The following ERBB4 variants were observed in gnomAD, a reference collection of about 807,000 sequenced individuals.
ERBB4 encodes the protein erb-b2 receptor tyrosine kinase 4, also known as receptor tyrosine-protein kinase erbB-4.
In ERBB4, 42 loss-of-function variants were observed where a neutral mutation model predicts 158.0. The observed-to-expected ratio is 0.27, with a 90% CI of 0.21 to 0.34. The LOEUF (loss-of-function observed/expected upper bound fraction) is 0.34. ERBB4 is among the 10% of genes least tolerant of loss of function. ERBB4 has a pLI of 1.00. For synonymous variants in ERBB4, 583 were observed against 558.7 expected (o/e 1.04, Z -0.61); for missense variants, 1,333 against 1,624.1 (o/e 0.82, Z 3.08).
chr2:211,624,082 G>T (rs757541107), intron 17 of ERBB4, 38 bp from the exon 18 acceptor site: 20 of 1,612,974 alleles, frequency 1.2e-5, no homozygotes, highest in Middle Eastern at 1.6e-4. Context: ...CTTTCAGTCC[G>T]ATAGTCAGTC....
intron 3 of ERBB4, among the ~76,000 whole-genome samples, chr2:211,919,067 T>C (rs1559100223): frequency 6.6e-6 from 1 of 152,062 alleles, no homozygotes; most frequent in East Asian, 1.9e-4. Flanking sequence ...TCTATCTTAT[T>C]TCCCAGTTCC....
intron 20 of ERBB4, among the ~76,000 whole-genome samples, chr2:211,532,657 C>CA (rs2066532382): frequency 6.6e-6 from 1 of 151,860 alleles, no homozygotes; most frequent in Non-Finnish European, 1.5e-5. Context: ...GAAAGTGAGA[C>CA]AATTTTGTGT....
chr2:212,151,507 G>C (rs2080868670), intron 1 of ERBB4, among the ~76,000 whole-genome samples: 1 of 150,796 alleles, frequency 6.6e-6, no homozygotes, highest in Non-Finnish European at 1.5e-5. Context: ...GATTTGAGTG[G>C]GAATTTTAAA....
intron 1 of ERBB4, among the ~76,000 whole-genome samples, chr2:212,146,559 T>A (rs957222908): frequency 1.3e-5 from 2 of 152,138 alleles, no homozygotes; most frequent in Non-Finnish European, 2.9e-5. Flanking sequence ...CTAACTTGCA[T>A]AAAACATTGT....
chr2:212,218,216 T>C (rs1299068714), intron 1 of ERBB4, among the ~76,000 whole-genome samples: 7 of 151,350 alleles, frequency 4.6e-5, no homozygotes, highest in Non-Finnish European at 8.9e-5. Flanking sequence ...TTTCAATTGG[T>C]AAGAATTTCA....
chr2:211,682,061 C>CAA (rs2072364318), intron 12 of ERBB4, among the ~76,000 whole-genome samples: 2 of 145,824 alleles, frequency 1.4e-5, no homozygotes, highest in Non-Finnish European at 3.0e-5. Flanking sequence ...CACACACACA[C>CAA]ACACACACAC....
intron 5 of ERBB4, among the ~76,000 whole-genome samples, chr2:211,725,803 T>C (rs2074247455): frequency 1.4e-5 from 2 of 148,066 alleles, no homozygotes; most frequent in African/African-American, 5.0e-5. Context: ...TTAATTCACA[T>C]AATATTTTAC....
At chr2:212,484,099 T>G (rs1689854931) in intron 1 of ERBB4, among the ~76,000 whole-genome samples, 1 of 152,184 alleles carries the variant, frequency 6.6e-6, no homozygotes, top group Admixed American at 6.5e-5. Flanking sequence ...TCTTTTACAT[T>G]TTTCTATACA....
At chr2:212,315,213 G>C (rs1402997162) in intron 1 of ERBB4, among the ~76,000 whole-genome samples, 1 of 151,082 alleles carries the variant, frequency 6.6e-6, no homozygotes, top group Non-Finnish European at 1.5e-5. Context: ...ATATTATTTT[G>C]CTCCTCTGAT....
chr2:211,912,876 A>C (rs10204019), intron 3 of ERBB4, among the ~76,000 whole-genome samples: 3 of 151,928 alleles, frequency 2.0e-5, no homozygotes, highest in African/African-American at 7.3e-5. Context: ...TCTCTGAGAG[A>C]TGCTACCTGT....
At chr2:212,280,614 T>G (rs1309244528) in intron 1 of ERBB4, among the ~76,000 whole-genome samples, 1 of 151,684 alleles carries the variant, frequency 6.6e-6, no homozygotes, top group Non-Finnish European at 1.5e-5. Context: ...TCTGTTGCTG[T>G]TGTTGTTGTT....
intron 2 of ERBB4, among the ~76,000 whole-genome samples, chr2:212,001,268 C>T (rs1232163331): frequency 1.3e-5 from 2 of 151,940 alleles, no homozygotes; most frequent in Admixed American, 6.6e-5. Context: ...CATTTCATAC[C>T]AATAGGCAAT....
chr2:212,060,229 T>A (rs1355945618), intron 2 of ERBB4, among the ~76,000 whole-genome samples: 2 of 152,082 alleles, frequency 1.3e-5, no homozygotes, highest in Non-Finnish European at 2.9e-5. Flanking sequence ...TGACTGGCCA[T>A]CAGAGAAATG....
intron 2 of ERBB4, among the ~76,000 whole-genome samples, chr2:212,033,595 G>T (rs1025987675): frequency 4.6e-5 from 7 of 151,730 alleles, no homozygotes; most frequent in Admixed American, 6.6e-5. Context: ...AATAAATTGA[G>T]TTATTTTAAC....
At chr2:211,842,247 G>A (rs1367939291) in intron 3 of ERBB4, among the ~76,000 whole-genome samples, 1 of 143,538 alleles carries the variant, frequency 7.0e-6, no homozygotes, top group East Asian at 2.1e-4. Flanking sequence ...AAGGAATAAG[G>A]CTGTTGGGTT....
chr2:212,102,689 G>C (rs1278213640), intron 2 of ERBB4, among the ~76,000 whole-genome samples: 1 of 152,036 alleles, frequency 6.6e-6, no homozygotes, highest in East Asian at 1.9e-4. Context: ...ATCTCACTTT[G>C]AAAGTTCCAC....
intron 20 of ERBB4, among the ~76,000 whole-genome samples, chr2:211,493,863 A>C (rs1041119631): frequency 5.3e-5 from 8 of 152,122 alleles, no homozygotes; most frequent in Non-Finnish European, 1.2e-4. Context: ...CATCAGTGTC[A>C]TCTCAGAATC....
At chr2:212,072,757 T>C (rs1233730169) in intron 2 of ERBB4, among the ~76,000 whole-genome samples, 1 of 152,016 alleles carries the variant, frequency 6.6e-6, no homozygotes, top group Non-Finnish European at 1.5e-5. Context: ...GGCTACTATA[T>C]GCTCAGCCTT....
At chr2:211,773,611 TA>T (rs2075775331) in intron 4 of ERBB4, among the ~76,000 whole-genome samples, 1 of 27,864 alleles carries the variant, frequency 3.6e-5, no homozygotes, top group African/African-American at 3.4e-4. Flanking sequence ...TATATATATA[TA>T]TATATATATA....
Sources: allele counts gnomAD v4.1 joint callset (sites outside exome capture counted in the v4.1 genomes callset), GRCh38; gene constraint gnomAD v4.1.1; transcripts MANE v1.5; gene names NCBI Gene and HGNC (gene_info 2026-07-23, HGNC 2026-07-21).